The following USH2A variants were observed in gnomAD, a reference collection of about 807,000 sequenced individuals.
The protein encoded by USH2A is Usher syndrome 2A (autosomal recessive, mild).
Under a neutral mutation model 538.9 loss-of-function variants are expected in USH2A, and 443 were observed. The observed-to-expected ratio is 0.82, with a 90% CI of 0.76 to 0.89. The LOEUF is 0.89. Among genes scored for constraint, USH2A ranks in the 40% least tolerant of loss-of-function variants. USH2A has a pLI of 0.00. For synonymous variants in USH2A, 2,413 were observed against 2,273.5 expected, an observed-to-expected ratio of 1.06 and a Z score of -1.75; for missense variants, 6,633 against 6,324.8, an observed-to-expected ratio of 1.05 and a Z score of -1.65.
chr1:216,228,735 G>A (rs919355494), intron 14 of USH2A, among the ~76,000 whole-genome samples: 5 of 151,696 alleles, frequency 3.3e-5, no homozygotes, highest in African/African-American at 1.2e-4. Flanking sequence ...GCATGAAAAC[G>A]GACTAATACA....
chr1:216,387,194 G>T (rs1389846336), intron 3 of USH2A, among the ~76,000 whole-genome samples: 1 of 152,166 alleles, frequency 6.6e-6, no homozygotes, highest in Non-Finnish European at 1.5e-5. Flanking sequence ...AAATACTTCT[G>T]AAACTTACCA....
intron 9 of USH2A, among the ~76,000 whole-genome samples, chr1:216,294,162 CA>C (rs1225532578): frequency 6.6e-6 from 1 of 151,942 alleles, no homozygotes; most frequent in Non-Finnish European, 1.5e-5. Flanking sequence ...AATTTATGGA[CA>C]AAGCAAAATT....
intron 37 of USH2A, among the ~76,000 whole-genome samples, chr1:215,949,360 T>C (rs1423353214): frequency 1.3e-5 from 2 of 152,056 alleles, no homozygotes; most frequent in African/African-American, 4.8e-5. Context: ...TTCAGAAGAA[T>C]TAATGTATAA....
In USH2A at chr1:215,629,046, A is replaced by G. The variant is rs771506918; in HGVS notation, c.15298-11T>C. 1 of 1,610,416 alleles carries G rather than the reference A, an allele frequency of 6.2e-7. No individual in the cohort carries two copies. Among genetic ancestry groups the G allele is most frequent in the East Asian group, 2.2e-5 (1 of 44,864 alleles). ...GGTATCGGCTAACCCCTGAGAAGGA[A>G]GTTGCTGTGAGTATTTCACATATAA... On this transcript the variant is annotated splice_polypyrimidine_tract_variant and intron_variant, in intron 70 of 71. Coordinates refer to ENST00000307340, the MANE Select transcript of USH2A (RefSeq NM_206933.4).
chr1:215,890,810 G>A (rs1007336442), intron 40 of USH2A, among the ~76,000 whole-genome samples: 3 of 152,160 alleles, frequency 2.0e-5, no homozygotes, highest in African/African-American at 4.8e-5. Flanking sequence ...AGATATCAAT[G>A]TTGTTTTGAA....
chr1:216,207,567 A>G, intron 15 of USH2A, 136 bp from the exon 16 acceptor site: 1 of 1,117,624 alleles, frequency 8.9e-7, no homozygotes, highest in South Asian at 1.4e-5. Context: ...TTACCAAGAC[A>G]TTAATAAACA....
At chr1:215,943,555 A>G (rs935576950) in intron 37 of USH2A, among the ~76,000 whole-genome samples, 2 of 152,184 alleles carry the variant, frequency 1.3e-5, no homozygotes, top group Non-Finnish European at 2.9e-5. Flanking sequence ...CCTGAAGTTC[A>G]TGTGGTAAGA....
chr1:216,260,013 G>A (rs1457176568), intron 11 of USH2A, among the ~76,000 whole-genome samples: 2 of 151,968 alleles, frequency 1.3e-5, no homozygotes, highest in African/African-American at 2.4e-5. Context: ...TAAAGCAAGA[G>A]GATCGATTTA....
chr1:215,675,644 A>C (rs781090300), intron 62 of USH2A, 28 bp from the exon 63 acceptor site: 6 of 1,614,048 alleles, frequency 3.7e-6, no homozygotes, highest in Non-Finnish European at 5.1e-6. Context: ...CAAAAGGGAT[A>C]ACTTGCAGCA....
chr1:215,752,488 T>A (rs1285256695), intron 58 of USH2A, among the ~76,000 whole-genome samples: 1 of 152,164 alleles, frequency 6.6e-6, no homozygotes, highest in African/African-American at 2.4e-5. Context: ...GATGATCTCT[T>A]TACAGCAATT....
intron 9 of USH2A, among the ~76,000 whole-genome samples, chr1:216,316,788 T>C (rs921169399): frequency 6.6e-6 from 1 of 152,152 alleles, no homozygotes; most frequent in Admixed American, 6.5e-5. Flanking sequence ...ATATGTCTTC[T>C]TTTGAGAACT....
chr1:216,253,417 C>T (rs754919496), intron 11 of USH2A, among the ~76,000 whole-genome samples: 10 of 152,038 alleles, frequency 6.6e-5, no homozygotes, highest in Non-Finnish European at 1.2e-4. Context: ...CTGTCCGCCT[C>T]GGCCTCCCAA....
intron 32 of USH2A, among the ~76,000 whole-genome samples, chr1:216,042,091 T>A (rs2030298983): frequency 6.6e-6 from 1 of 152,166 alleles, no homozygotes; most frequent in South Asian, 2.1e-4. Context: ...ATATCCATTA[T>A]ATGCTATATG....
chr1:216,168,246 T>C (rs977381610), intron 21 of USH2A, among the ~76,000 whole-genome samples: 18 of 152,170 alleles, frequency 1.2e-4, no homozygotes, highest in African/African-American at 2.4e-4. Flanking sequence ...TAATGTGTTA[T>C]ATTGATACAA....
intron 25 of USH2A, 35 bp from the exon 26 acceptor site, chr1:216,083,621 G>A: frequency 3.1e-6 from 5 of 1,605,412 alleles, no homozygotes; most frequent in South Asian, 1.1e-5. Context: ...ATTAGCATGT[G>A]TAACACAATA....
chr1:215,995,736 T>C (rs1381051348), intron 34 of USH2A, among the ~76,000 whole-genome samples: 2 of 152,186 alleles, frequency 1.3e-5, no homozygotes, highest in Non-Finnish European at 2.9e-5. Flanking sequence ...GCCTATAGCT[T>C]TTCTCAGTTA....
At chr1:216,249,986 T>C (rs991270473) in intron 12 of USH2A, among the ~76,000 whole-genome samples, 7 of 152,062 alleles carry the variant, frequency 4.6e-5, no homozygotes, top group African/African-American at 1.7e-4. Flanking sequence ...GTGTCTTGAA[T>C]GACAATAGAA....
chr1:215,774,984 C>T (rs1421102510), intron 55 of USH2A, among the ~76,000 whole-genome samples: 1 of 149,060 alleles, frequency 6.7e-6, no homozygotes, highest in Non-Finnish European at 1.5e-5. Context: ...AAAACAAATT[C>T]TTATCTCTAT....
chr1:216,242,513 C>G (rs967447358), intron 13 of USH2A, among the ~76,000 whole-genome samples: 1 of 151,886 alleles, frequency 6.6e-6, no homozygotes, highest in Non-Finnish European at 1.5e-5. Context: ...AAAACAGGCA[C>G]TTATGATCTT....
Sources: gnomAD v4.1 joint callset for allele counts (sites outside exome capture counted in the v4.1 genomes callset) on GRCh38, gnomAD v4.1.1 for gene constraint, MANE v1.5 for transcripts, NCBI Gene and HGNC (gene_info 2026-07-23, HGNC 2026-07-21) for gene names.